The following FBXO31 variants were observed in gnomAD, a reference collection of about 807,000 sequenced individuals.
FBXO31 encodes the protein F-box only protein 31.
A neutral mutation model predicts 54.4 loss-of-function variants in FBXO31; 24 were observed. That is an observed-to-expected ratio of 0.44 (90% CI 0.32 to 0.62). The LOEUF is 0.62. FBXO31 is among the 20% of genes least tolerant of loss of function. The pLI, the probability that FBXO31 is intolerant of heterozygous loss-of-function variation, is 0.05. For synonymous variants in FBXO31, 388 were observed against 335.6 expected (o/e 1.16, Z -1.71); for missense variants, 665 against 787.1 (o/e 0.84, Z 1.86).
chr16:87,342,121 G>A lies in FBXO31; in HGVS notation c.732+756C>T, dbSNP rs115892391. ...CACTCTGCCACCCACATGGGAGTGC[G>A]GTGGTGCGCTCATAGCTCACTGCAG... On this transcript the variant is annotated intron_variant, in intron 5 of 8. Transcript: ENST00000311635. Among the ~76,000 whole-genome samples, 866 of 152,234 alleles carry A rather than the reference G, an allele frequency of 5.7e-3. 8 individuals carry two copies. Among genetic ancestry groups the A allele is most frequent in the African/African-American group, 0.02 (825 of 41,518 alleles).
intron 5 of FBXO31, among the ~76,000 whole-genome samples, chr16:87,337,083 G>A (rs954605224): frequency 5.3e-5 from 8 of 152,196 alleles, no homozygotes; most frequent in African/African-American, 1.9e-4. Context: ...CACTGCAGGA[G>A]CTGCACTGAG....
intron 1 of FBXO31, among the ~76,000 whole-genome samples, chr16:87,381,367 T>C (rs563711149): frequency 1.6e-4 from 25 of 152,272 alleles, no homozygotes; most frequent in Non-Finnish European, 3.4e-4. Context: ...CAACACCCAC[T>C]AGCTACCATT....
chr16:87,363,876 C>T (rs759401108), intron 1 of FBXO31, among the ~76,000 whole-genome samples: 19 of 152,158 alleles, frequency 1.2e-4, no homozygotes, highest in Non-Finnish European at 1.8e-4. Context: ...GGAACTGGAC[C>T]GGATCATCTG....
At chr16:87,391,360 G>C (rs1332220995), upstream of FBXO31, among the ~76,000 whole-genome samples, 1 of 152,234 alleles carries the variant, frequency 6.6e-6, no homozygotes. Flanking sequence ...TTGGCCACAG[G>C]CTGAGGTGGG....
chr16:87,374,364 T>G (rs1478707277), intron 1 of FBXO31, among the ~76,000 whole-genome samples: 2 of 152,086 alleles, frequency 1.3e-5, no homozygotes, highest in African/African-American at 4.8e-5. Context: ...CTCAGAAAAC[T>G]TAGCCTACAG....
chr16:87,376,090 C>T (rs990899524), intron 1 of FBXO31, among the ~76,000 whole-genome samples: 14 of 152,138 alleles, frequency 9.2e-5, no homozygotes. Context: ...CCCCTGCCCT[C>T]CACTGCCACA....
chr16:87,378,159 C>CA (rs1171162528), intron 1 of FBXO31, among the ~76,000 whole-genome samples: 2,616 of 115,212 alleles, frequency 0.023, 83 homozygotes, highest in African/African-American at 0.075. Flanking sequence ...AACTCCATCT[C>CA]AAAAAAAAAA....
Position 87,357,314 on chromosome 16 carries a change from A to G in FBXO31, c.412+2981T>C, listed in dbSNP as rs146197645. Among the ~76,000 whole-genome samples the G allele has an allele frequency of 4.6e-5, 7 of 151,480 alleles. No homozygotes were observed. In the East Asian group the frequency reaches 1.2e-3, roughly 25 times the overall value. ...TAGAAAAATTTCCAGAGCTCCATCA[A>G]AAGAATTCGGTTCTTTTTTTTTTTT... On this transcript the variant is annotated intron_variant, in intron 2 of 8. Coordinates refer to ENST00000311635, the MANE Select transcript of FBXO31 (RefSeq NM_024735.5).
rs772382132 is a variant in FBXO31 at position 87,360,333 on chromosome 16, T to G, written c.374A>C (p.Glu125Ala). 6.2e-7 allele frequency: 1 copy of G among 1,614,224 alleles called. No homozygotes were observed. The highest frequency in any genetic ancestry group is 8.5e-7 in the Non-Finnish European group (1 of 1,180,038). ...GTCCCGACAAGACACGCCTGTGATC[T>G]CCAGCTTCCGCAAGTTTTCGCAAAC... ...YGVCENLRKLEITGVSCRDVY... is the reference protein window; with the variant it reads ...YGVCENLRKLAITGVSCRDVY... Residue 125 changes from glutamate (E) to alanine (A), a missense_variant, in exon 2 of 9, where the codon GAG becomes GCG. Around this residue, in one of 4 missense-constraint regions of FBXO31, gnomAD observed 234 missense variants for 346.8 expected, o/e 0.67. Coordinates refer to ENST00000311635, the MANE Select transcript of FBXO31 (RefSeq NM_024735.5).
At position 87,373,086 on chromosome 16, in the gene FBXO31, G is replaced by T. The variant is rs941641502; in HGVS notation, c.340+10319C>A. On this transcript the variant is annotated intron_variant, in intron 1 of 8. Coordinates refer to ENST00000311635, the MANE Select transcript of FBXO31 (RefSeq NM_024735.5). ...TGCCCAGGCTGGTCTCCAACTCCTG[G>T]CCTCAGGTGATCCTCCTGCCTCAGC... Among the ~76,000 whole-genome samples, 11 of 99,154 alleles carry T rather than the reference G, an allele frequency of 1.1e-4. No homozygotes were observed. In the Admixed American group the frequency reaches 1.3e-3, roughly 12 times the overall value. 65.0% of individuals were successfully genotyped at this position (99,154 alleles called of 152,430 possible).
intron 5 of FBXO31, among the ~76,000 whole-genome samples, chr16:87,342,168 C>A (rs536944911): frequency 5.9e-4 from 90 of 152,260 alleles, no homozygotes; most frequent in Non-Finnish European, 1.1e-3. Flanking sequence ...TGGGCTCAGA[C>A]AATCCTCTCA....
At chr16:87,370,824 G>T (rs186782311) in intron 1 of FBXO31, among the ~76,000 whole-genome samples, 5 of 152,328 alleles carry the variant, frequency 3.3e-5, no homozygotes, top group Admixed American at 3.3e-4. Flanking sequence ...ACACTGATTG[G>T]AAAGACTGCG....
intron 4 of FBXO31, 66 bp from the exon 5 acceptor site, chr16:87,343,017 C>G (rs4843237): frequency 0.99 from 1,415,259 of 1,427,260 alleles, 702,440 homozygotes; most frequent in East Asian, 1. Flanking sequence ...CATCCCCCAC[C>G]CCAGGCAGGT....
At chr16:87,364,733 T>C (rs775384051) in intron 1 of FBXO31, among the ~76,000 whole-genome samples, 26 of 151,908 alleles carry the variant, frequency 1.7e-4, no homozygotes, top group African/African-American at 5.6e-4. Flanking sequence ...CTTTGCAGAT[T>C]ACAAAACATT....
intron 1 of FBXO31, among the ~76,000 whole-genome samples, chr16:87,382,829 T>G (rs1382765984): frequency 1.3e-5 from 2 of 151,694 alleles, no homozygotes; most frequent in Admixed American, 6.6e-5. Context: ...AGAGACGGGG[T>G]TTTACCATCT....
At chr16:87,374,274 G>T (rs911739920) in intron 1 of FBXO31, among the ~76,000 whole-genome samples, 1 of 152,014 alleles carries the variant, frequency 6.6e-6, no homozygotes, top group Admixed American at 6.6e-5. Flanking sequence ...GGAAAATGTG[G>T]TAAGTTGAAA....
chr16:87,351,603 T>A (rs909565708), intron 2 of FBXO31, among the ~76,000 whole-genome samples: 1 of 152,140 alleles, frequency 6.6e-6, no homozygotes, highest in African/African-American at 2.4e-5. Context: ...GGTGGCTCAC[T>A]CAAGCCTATA....
intron 1 of FBXO31, among the ~76,000 whole-genome samples, chr16:87,375,740 G>C (rs1028509723): frequency 3.3e-5 from 5 of 152,296 alleles, no homozygotes; most frequent in Non-Finnish European, 5.9e-5. Context: ...GGCCCTGCAG[G>C]CTGGAGTGAG....
intron 5 of FBXO31, among the ~76,000 whole-genome samples, chr16:87,342,124 G>T (rs1220798417): frequency 4.6e-5 from 7 of 152,134 alleles, no homozygotes; most frequent in Non-Finnish European, 1.5e-5. Flanking sequence ...GGAGTGCGGT[G>T]GTGCGCTCAT....
Sources: gnomAD v4.1 joint callset for allele counts (sites outside exome capture counted in the v4.1 genomes callset) on GRCh38, gnomAD v4.1.1 for gene constraint, gnomAD v4.1.1 regional missense constraint, MANE v1.5 for transcripts, NCBI Gene and HGNC (gene_info 2026-07-23, HGNC 2026-07-21) for gene names.